SLC18A2: variants seen among roughly 807,000 people sequenced by gnomAD.
SLC18A2 encodes solute carrier family 18 member A2.
A neutral mutation model predicts 59.2 loss-of-function variants in SLC18A2; 33 were observed. The observed-to-expected ratio is 0.56, with a 90% CI of 0.42 to 0.75. The LOEUF (loss-of-function observed/expected upper bound fraction) is 0.75, where lower values mean the gene tolerates loss of function less well. Ranked by LOEUF, SLC18A2 falls within the 30% of genes least tolerant of loss-of-function variation. The pLI is 0.00. For missense variants in SLC18A2, 569 were observed against 668.6 expected, an observed-to-expected ratio of 0.85 and a Z score of 1.64; for synonymous variants, 228 against 253.5, an observed-to-expected ratio of 0.90 and a Z score of 0.95.
chr10:117,252,606 GA>G (rs1487044191), intron 3 of SLC18A2, among the ~76,000 whole-genome samples: 8 of 152,202 alleles, frequency 5.3e-5, no homozygotes, highest in Non-Finnish European at 1.2e-4. Context: ...GGACAAAGAA[GA>G]AAGAGAATGA....
At chr10:117,268,826 A>ATG (rs144528427) in intron 13 of SLC18A2, among the ~76,000 whole-genome samples, 5,761 of 150,898 alleles carry the variant, frequency 0.038, 119 homozygotes, top group African/African-American at 0.051. Context: ...ATGTATGTTT[A>ATG]TGTGTGTGTG....
intron 10 of SLC18A2, among the ~76,000 whole-genome samples, chr10:117,261,039 TA>T (rs1468293491): frequency 2.0e-5 from 3 of 152,116 alleles, no homozygotes; most frequent in Non-Finnish European, 4.4e-5. Flanking sequence ...TCTGCTTCCT[TA>T]ACAGTTCCAG....
At chr10:117,246,259 GTGTAATACTTAGAAATTCGGC>G (rs1186436749) in intron 3 of SLC18A2, among the ~76,000 whole-genome samples, 1 of 152,206 alleles carries the variant, frequency 6.6e-6, no homozygotes, top group Non-Finnish European at 1.5e-5. Context: ...TAGCCGTACA[GTGTAATACTTAGAAATTCGGC>G]TGAAATGATG....
intron 15 of SLC18A2, among the ~76,000 whole-genome samples, chr10:117,275,938 T>C (rs1258061989): frequency 6.6e-6 from 1 of 151,900 alleles, no homozygotes; most frequent in African/African-American, 2.4e-5. Context: ...TGTGAAAAAA[T>C]AATAGCTCTA....
At chr10:117,272,251 G>A (rs953791827) in intron 15 of SLC18A2, among the ~76,000 whole-genome samples, 7 of 152,228 alleles carry the variant, frequency 4.6e-5, no homozygotes, top group Admixed American at 2.0e-4. Flanking sequence ...GGCTTCCCCC[G>A]TCAGTCCAGC....
chr10:117,266,715 C>T lies in SLC18A2; in HGVS notation c.992-18C>T, dbSNP rs1473465168. ...CTGATATCAGCACTGATAAGGTCTC[C>T]TTTTCATAAATTTACAGGCGTTGCC... is the stretch of plus-strand genomic sequence containing the variant. On this transcript the variant is annotated intron_variant, in intron 10 of 15. Transcript: ENST00000644641. The T allele has an allele frequency of 1.3e-6, 2 of 1,596,686 alleles. No individual in the cohort carries two copies. The highest frequency in any genetic ancestry group is 2.2e-5 in the South Asian group (2 of 90,252).
At chr10:117,248,300 CA>C (rs1375987369) in intron 3 of SLC18A2, among the ~76,000 whole-genome samples, 1 of 152,178 alleles carries the variant, frequency 6.6e-6, no homozygotes, top group Non-Finnish European at 1.5e-5. Flanking sequence ...TAAGTTCTCA[CA>C]CCAAACCCTG....
At chr10:117,245,464 C>T (rs958117749) in intron 3 of SLC18A2, among the ~76,000 whole-genome samples, 3 of 152,126 alleles carry the variant, frequency 2.0e-5, no homozygotes, top group Admixed American at 2.0e-4. Flanking sequence ...AATTCCAAAG[C>T]CAAAAAGAAA....
At chr10:117,249,580 C>A (rs555814309) in intron 3 of SLC18A2, among the ~76,000 whole-genome samples, 1 of 152,276 alleles carries the variant, frequency 6.6e-6, no homozygotes, top group African/African-American at 2.4e-5. Flanking sequence ...TTGCACCCTT[C>A]GGGGCTCTGT....
chr10:117,256,364 G>A (rs1266335722), intron 9 of SLC18A2, among the ~76,000 whole-genome samples: 2 of 152,122 alleles, frequency 1.3e-5, no homozygotes, highest in African/African-American at 2.4e-5. Flanking sequence ...GGTGTTGCTG[G>A]GCCTCAGTAC....
Position 117,266,809 on chromosome 10 carries a change from G to A in SLC18A2, c.1068G>A (p.Gly356=), listed in dbSNP as rs1241590577. ...TTGGGATACTTGCACACAAAATGGG[G>A]AGGTAAGATGATATGAAAACAACAC... ...NIFGILAHKM[G]RWLCALLGMI... is the part of the protein sequence containing the mutation. Residue 356 remains glycine (G), a splice_region_variant and synonymous_variant, in exon 11 of 16, where the codon GGG becomes GGA. Transcript: ENST00000644641. The A allele has an allele frequency of 6.2e-7, 1 of 1,611,752 alleles. No individual in the cohort carries two copies. The highest frequency in any genetic ancestry group is 1.7e-5 in the Admixed American group (1 of 59,996).
chr10:117,271,618 G>A lies in SLC18A2; in HGVS notation c.1440+1155G>A, dbSNP rs1446269995. On this transcript the variant is annotated intron_variant, in intron 15 of 15. Transcript: ENST00000644641. ...TCTGACTCATGGAAAAGGTATGGAA[G>A]GTGCTGTGGAAATAACTCAGACAGA... Among the ~76,000 whole-genome samples the A allele has an allele frequency of 2.0e-5, 3 of 152,224 alleles. No homozygotes were observed. The South Asian group carries it at 6.2e-4, about 32-fold the overall frequency.
chr10:117,254,538 C>A, intron 6 of SLC18A2, 41 bp downstream of exon 6: 2 of 1,457,696 alleles, frequency 1.4e-6, no homozygotes, highest in Non-Finnish European at 1.9e-6. Context: ...CAAGAGGGGC[C>A]TGCCTGGTGC....
intron 3 of SLC18A2, among the ~76,000 whole-genome samples, chr10:117,248,569 C>G (rs1844132843): frequency 6.6e-6 from 1 of 152,164 alleles, no homozygotes; most frequent in Non-Finnish European, 1.5e-5. Flanking sequence ...CTGAACTATT[C>G]ATTTCATGAT....
chr10:117,253,322 G>A, intron 3 of SLC18A2, 77 bp from the exon 4 acceptor site: 1 of 1,067,038 alleles, frequency 9.4e-7, no homozygotes, highest in Non-Finnish European at 1.5e-6. Flanking sequence ...CCAAAGGGTA[G>A]CCAGGCGAAA....
intron 12 of SLC18A2, chr10:117,267,342 T>C (rs1844359508): frequency 2.3e-6 from 1 of 443,996 alleles, no homozygotes; most frequent in African/African-American, 2.0e-5. Flanking sequence ...TAGCAAGATG[T>C]TTTTCTAGAA....
chr10:117,257,774 C>T (rs200593559), intron 9 of SLC18A2, 23 bp from the exon 10 acceptor site: 116 of 1,547,558 alleles, frequency 7.5e-5, no homozygotes, highest in Non-Finnish European at 9.5e-5. Flanking sequence ...GAAGCCACTA[C>T]AAAGCCCTTT....
chr10:117,252,923 G>A (rs1844180808), intron 3 of SLC18A2, among the ~76,000 whole-genome samples: 1 of 152,168 alleles, frequency 6.6e-6, no homozygotes, highest in Non-Finnish European at 1.5e-5. Flanking sequence ...GTCTTTCTGG[G>A]TTGGCCTCAT....
In SLC18A2 at chr10:117,278,341, T is replaced by G. The variant is rs1245588470; in HGVS notation, c.*1075T>G. The G allele has an allele frequency of 6.6e-6, 1 of 152,218 alleles. No homozygotes were observed. Among genetic ancestry groups the G allele is most frequent in the African/African-American group, 2.4e-5 (1 of 41,462 alleles). The allele number at this position is 152,218 out of a possible 1,614,324, so 9.4% of individuals were successfully genotyped here. A position where few individuals can be genotyped will look rare whatever the true frequency, so the allele number is the denominator to read the frequency against. On this transcript the variant is annotated 3_prime_UTR_variant, in exon 16 of 16. Transcript: ENST00000644641. ...GAAAATGAAGAATGAAATTATGTCT[T>G]GAATCATATATTAAGAAGTAAAAAT...
Sources: allele counts gnomAD v4.1 joint callset (sites outside exome capture counted in the v4.1 genomes callset), GRCh38; gene constraint gnomAD v4.1.1; transcripts MANE v1.5; gene names NCBI Gene and HGNC (gene_info 2026-07-23, HGNC 2026-07-21).